Variants in DENND4B observed in about 807,000 individuals in gnomAD.
DENND4B encodes the protein DENN domain containing 4B, also known as DENN domain-containing protein 4B.
A neutral mutation model predicts 161.0 loss-of-function variants in DENND4B; 67 were observed. The ratio of observed to expected loss-of-function variants is 0.42; its 90% CI spans 0.34 to 0.51. DENND4B has a LOEUF of 0.51. DENND4B is among the 20% of genes least tolerant of loss of function. DENND4B has a pLI of 0.08. For missense variants in DENND4B, 1,481 were observed against 1,968.0 expected (o/e 0.75, Z 4.68); for synonymous variants, 753 against 813.8 (o/e 0.93, Z 1.27).
At chr1:153,939,475 G>T in intron 12 of DENND4B, 114 bp downstream of exon 12, 1 of 1,199,702 alleles carries the variant, frequency 8.3e-7, no homozygotes, top group Non-Finnish European at 1.2e-6. Flanking sequence ...CATTTGCCTA[G>T]TGAAGGAATA....
chr1:153,930,479 C>T lies in DENND4B; in HGVS notation c.4346-37G>A, dbSNP rs201317481. 1 of 1,613,978 alleles carries T rather than the reference C, an allele frequency of 6.2e-7. No homozygotes were observed. The highest frequency in any genetic ancestry group is 8.5e-7 in the Non-Finnish European group (1 of 1,179,862). ...GGTGGAAGTCAACATGTTAGGACCG[C>T]AGCCTCCCACACCTGGCCCCAGATC... is the stretch of plus-strand genomic sequence containing the variant. On this transcript the variant is annotated intron_variant, in intron 27 of 27. Coordinates refer to ENST00000361217, the MANE Select transcript of DENND4B (RefSeq NM_014856.3). The surrounding 1 kb of genome is among the most constrained non-coding windows in gnomAD (Gnocchi z 4.7).
intron 12 of DENND4B, 27 bp from the exon 13 acceptor site, chr1:153,939,072 G>T: frequency 6.2e-7 from 1 of 1,608,672 alleles, no homozygotes; most frequent in South Asian, 1.1e-5. Context: ...TGGGGCAGAG[G>T]AGGGGTGTGA....
chr1:153,934,995 TACCTCG>T lies in DENND4B; in HGVS notation c.2569-37_2569-32del. 7 of 1,603,792 alleles carry T rather than the reference TACCTCG, an allele frequency of 4.4e-6. No homozygotes were observed. The highest frequency in any genetic ancestry group is 5.9e-6 in the Non-Finnish European group (7 of 1,178,510). On this transcript the variant is annotated intron_variant, in intron 17 of 27. Coordinates refer to ENST00000361217, the MANE Select transcript of DENND4B (RefSeq NM_014856.3). This position sits in a 1 kb window ranked among gnomAD's most constrained non-coding sequence, Gnocchi z 5.3. The stretch of plus-strand genomic sequence containing the variant: ...AAGCACAGTGCCCATCAGGATGGCC[TACCTCG>T]ACACCCTAACCCTGCCTCATACCCA...
chr1:153,937,185 C>A lies in DENND4B; in HGVS notation c.2232+303G>T, dbSNP rs1294832169. On this transcript the variant is annotated intron_variant, in intron 15 of 27. Transcript: ENST00000361217. This position sits in a 1 kb window ranked among gnomAD's most constrained non-coding sequence, Gnocchi z 4.7. ...GGATGCTGTACTTCACAGGCTGCAG[C>A]CCTGCCTGGAGCCCCGTGCAGAGAG... Among the ~76,000 whole-genome samples the A allele has an allele frequency of 6.6e-6, 1 of 152,212 alleles. No individual in the cohort carries two copies. Among genetic ancestry groups the A allele is most frequent in the Non-Finnish European group, 1.5e-5 (1 of 68,044 alleles).
rs752556943 is a variant in DENND4B, at chr1:153,937,630, G to A, written c.2106-16C>T. ...TCCATCATAGCTGGAGGGGCAGAGA[G>A]AAGCAACATCGGGGCAGTCAGCACA... On this transcript the variant is annotated splice_polypyrimidine_tract_variant and intron_variant, in intron 14 of 27. Coordinates refer to ENST00000361217, the MANE Select transcript of DENND4B (RefSeq NM_014856.3). This position sits in a 1 kb window ranked among gnomAD's most constrained non-coding sequence, Gnocchi z 4.7. 5 of 1,611,632 alleles carry A rather than the reference G, an allele frequency of 3.1e-6. No homozygotes were observed. Among genetic ancestry groups the A allele is most frequent in the Non-Finnish European group, 4.2e-6 (5 of 1,178,334 alleles).
At position 153,942,842 on chromosome 1, in the gene DENND4B, C is replaced by G; in HGVS notation, c.570+36G>C. 1 of 1,566,632 alleles carries G rather than the reference C, an allele frequency of 6.4e-7. No homozygotes were observed. The highest frequency in any genetic ancestry group is 8.7e-7 in the Non-Finnish European group (1 of 1,152,190). ...CCAGTGTCCACACCCACTCTTACAC[C>G]AAGAGGACCAGGTGTCAGCTCTTGG... On this transcript the variant is annotated intron_variant, in intron 3 of 27. Coordinates refer to ENST00000361217, the MANE Select transcript of DENND4B (RefSeq NM_014856.3). This position sits in a 1 kb window ranked among gnomAD's most constrained non-coding sequence, Gnocchi z 6.9.
rs1679847338 is a variant in DENND4B at position 153,944,313 on chromosome 1, T to C, written c.62A>G (p.Asn21Ser). 9.3e-6 allele frequency: 15 copies of C among 1,608,272 alleles called. No homozygotes were observed. The highest frequency in any genetic ancestry group is 1.3e-5 in the Non-Finnish European group (15 of 1,177,316). Reference sequence around the variant, plus strand: ...CGTTTCCTCAGGGATGGGTGCTCCGTTCCCTGCAAGCCCAGCTACCACGAA... The same window carrying C: ...CGTTTCCTCAGGGATGGGTGCTCCGCTCCCTGCAAGCCCAGCTACCACGAA... ...DYFVVAGLAGNGAPIPEETWV... is the reference protein window; with the variant it reads ...DYFVVAGLAGSGAPIPEETWV... The change falls in exon 2 of 28, where the codon AAC becomes AGC. Residue 21 changes from asparagine (N) to serine (S), a missense_variant. By Grantham distance (46) the Asn-to-Ser change is conservative (BLOSUM62 1). Around this residue, in one of 3 missense-constraint regions of DENND4B, gnomAD observed 806 missense variants for 1,134.4 expected, o/e 0.71. Coordinates refer to ENST00000361217, the MANE Select transcript of DENND4B (RefSeq NM_014856.3). This position sits in a 1 kb window ranked among gnomAD's most constrained non-coding sequence, Gnocchi z 4.8.
At position 153,942,777 on chromosome 1, in the gene DENND4B, C is replaced by T. The variant is rs1047706393; in HGVS notation, c.570+101G>A. On this transcript the variant is annotated intron_variant, in intron 3 of 27. Transcript: ENST00000361217. The surrounding 1 kb of genome is among the most constrained non-coding windows in gnomAD (Gnocchi z 6.9). The stretch of plus-strand genomic sequence containing the variant: ...ACCAGAGTTACCCCTCTGGACTCAC[C>T]CCTGTGGTCAGAGCCTTGGTCCTGG... 20 of 1,493,730 alleles carry T rather than the reference C, an allele frequency of 1.3e-5. No homozygotes were observed. Among genetic ancestry groups the T allele is most frequent in the Non-Finnish European group, 1.7e-5 (19 of 1,119,296 alleles). The allele number at this position is 1,493,730 out of a possible 1,614,324, so 92.5% of individuals were successfully genotyped here.
rs1384235367 is a variant in DENND4B at position 153,940,649 on chromosome 1, G to A, written c.1327-43C>T. 6.3e-7 allele frequency: 1 copy of A among 1,593,486 alleles called. No homozygotes were observed. Among genetic ancestry groups the A allele is most frequent in the Admixed American group, 1.8e-5 (1 of 56,268 alleles). ...GAGAACCAGTGAACAGGGGGTTGAG[G>A]CAGCAGTGGGAGGCACAGGAGAGAG... is the stretch of plus-strand genomic sequence containing the variant. On this transcript the variant is annotated intron_variant, in intron 9 of 27. Coordinates refer to ENST00000361217, the MANE Select transcript of DENND4B (RefSeq NM_014856.3). The surrounding 1 kb of genome is among the most constrained non-coding windows in gnomAD (Gnocchi z 5.6).
Position 153,936,152 on chromosome 1 carries a change from A to G in DENND4B, c.2476T>C (p.Tyr826His), listed in dbSNP as rs921287306. The G allele has an allele frequency of 9.9e-6, 16 of 1,609,454 alleles. No individual in the cohort carries two copies. The highest frequency in any genetic ancestry group is 1.3e-5 in the Non-Finnish European group (15 of 1,178,036). Reference protein sequence around the residue: ...YRVLMQLCSHYGQPVLSVRVM... With the variant: ...YRVLMQLCSHHGQPVLSVRVM... ...CGCACAGACAGCACAGGCTGCCCAT[A>G]GTGTGAGCAGAGCTGCATCAGTACC... The change falls in exon 17 of 28, where the codon TAT becomes CAT. Residue 826 changes from tyrosine to histidine, a missense_variant. This residue lies in a region of DENND4B where 806 missense variants were observed against 1,134.4 expected (regional missense o/e 0.71). Coordinates refer to ENST00000361217, the MANE Select transcript of DENND4B (RefSeq NM_014856.3). This position sits in a 1 kb window ranked among gnomAD's most constrained non-coding sequence, Gnocchi z 4.1.
At chr1:153,943,204 C>G in intron 2 of DENND4B, 74 bp from the exon 3 acceptor site, 1 of 1,538,054 alleles carries the variant, frequency 6.5e-7, no homozygotes, top group Non-Finnish European at 8.8e-7. Flanking sequence ...CCAGATCTGC[C>G]TATCTAATCC....
At position 153,937,628 on chromosome 1, in the gene DENND4B, G is replaced by A; in HGVS notation, c.2106-14C>T. The A allele has an allele frequency of 3.1e-6, 5 of 1,611,772 alleles. No homozygotes were observed. Among genetic ancestry groups the A allele is most frequent in the Non-Finnish European group, 4.2e-6 (5 of 1,178,364 alleles). The stretch of plus-strand genomic sequence containing the variant: ...AATCCATCATAGCTGGAGGGGCAGA[G>A]AGAAGCAACATCGGGGCAGTCAGCA... On this transcript the variant is annotated splice_polypyrimidine_tract_variant and intron_variant, in intron 14 of 27. Coordinates refer to ENST00000361217, the MANE Select transcript of DENND4B (RefSeq NM_014856.3). This position sits in a 1 kb window ranked among gnomAD's most constrained non-coding sequence, Gnocchi z 4.7.
intron 2 of DENND4B, 86 bp downstream of exon 2, chr1:153,943,972 T>G: frequency 1.4e-6 from 2 of 1,407,226 alleles, no homozygotes; most frequent in Non-Finnish European, 9.4e-7. Flanking sequence ...CCATTGCCCT[T>G]CCCTTGTTCC....
chr1:153,935,066 A>C, intron 17 of DENND4B, 102 bp from the exon 18 acceptor site: 1 of 1,547,356 alleles, frequency 6.5e-7, no homozygotes, highest in African/African-American at 1.3e-5. Flanking sequence ...CTTCCCCTGC[A>C]GACATCCTGT....
rs778908434 is a variant in DENND4B, at chr1:153,933,587, T to A, written c.3226A>T (p.Ile1076Phe). Residue 1076 changes from isoleucine to phenylalanine, a missense_variant, in exon 20 of 28, where the codon ATT becomes TTT. By Grantham distance (21) the Ile-to-Phe change is conservative. Coordinates refer to ENST00000361217, the MANE Select transcript of DENND4B (RefSeq NM_014856.3). This position sits in a 1 kb window ranked among gnomAD's most constrained non-coding sequence, Gnocchi z 5.7. ...TCAGGAGGCAGCTCAGGTGGGGGAA[T>A]GCGGGAGGCAGGGGAGTGGCGGGAA... The part of the protein sequence containing the change: ...TPSRHSPASR[I>F]PPPELPPDLP... 1.3e-5 allele frequency: 20 copies of A among 1,567,630 alleles called. No individual in the cohort carries two copies. The South Asian group carries it at 2.2e-4, about 18-fold the overall frequency.
At position 153,931,020 on chromosome 1, in the gene DENND4B, T is replaced by C. The variant is rs1678886936; in HGVS notation, c.4041A>G (p.Val1347=). The C allele has an allele frequency of 6.2e-7, 1 of 1,612,778 alleles. No individual in the cohort carries two copies. Among genetic ancestry groups the C allele is most frequent in the Non-Finnish European group, 8.5e-7 (1 of 1,179,520 alleles). Residue 1347 remains valine, a synonymous_variant, in exon 25 of 28, where the codon GTA becomes GTG. Coordinates refer to ENST00000361217, the MANE Select transcript of DENND4B (RefSeq NM_014856.3). The part of the protein sequence containing the change: ...WLTPDPASVQ[V]RLLWDVLTPD... ...GGGTCAGTACATCCCACAGCAGCCG[T>C]ACCTGAACAGAGGCTGGATCAGGGG...
chr1:153,933,895 G>A lies in DENND4B; in HGVS notation c.2942-24C>T, dbSNP rs372236820. The A allele has an allele frequency of 3.1e-6, 5 of 1,596,794 alleles. No individual in the cohort carries two copies. The highest frequency in any genetic ancestry group is 1.1e-5 in the South Asian group (1 of 88,382). ...CACTGCAGCACAGAAAAGAATGAGG[G>A]AAGATGGACCCCAGCCTCTGCACCA... On this transcript the variant is annotated intron_variant, in intron 19 of 27. Coordinates refer to ENST00000361217, the MANE Select transcript of DENND4B (RefSeq NM_014856.3). This position sits in a 1 kb window ranked among gnomAD's most constrained non-coding sequence, Gnocchi z 5.7.
chr1:153,936,733 G>T lies in DENND4B; in HGVS notation c.2248C>A (p.Gln750Lys). The T allele has an allele frequency of 6.3e-7, 1 of 1,592,530 alleles. No homozygotes were observed. Among genetic ancestry groups the T allele is most frequent in the Non-Finnish European group, 8.6e-7 (1 of 1,166,394 alleles). ...GCTGCTGACTTCTGTGCCATCCGCTGTGCAACTTTCATCTCCTAGGTAGGA... is the reference window on the plus strand; with the variant it reads ...GCTGCTGACTTCTGTGCCATCCGCTTTGCAACTTTCATCTCCTAGGTAGGA... ...RRTKQEMKVA[Q>K]RMAQKSAAVP... The change falls in exon 16 of 28, where the codon CAG becomes AAG. Residue 750 changes from glutamine (Q) to lysine (K), a missense_variant. Gln to Lys is a moderately conservative substitution (Grantham distance 53). Coordinates refer to ENST00000361217, the MANE Select transcript of DENND4B (RefSeq NM_014856.3). The surrounding 1 kb of genome is among the most constrained non-coding windows in gnomAD (Gnocchi z 4.1).
In DENND4B at chr1:153,936,662, C is replaced by A; in HGVS notation, c.2319G>T (p.Gly773=). ...WARCLLGHCY[G]LWFLCLPAYV... ...AGGCAGGCAGACACAGGAACCACAG[C>A]CCATAGCAGTGCCCCAGCAGGCACC... The change falls in exon 16 of 28, where the codon GGG becomes GGT. Residue 773 remains glycine, a synonymous_variant. Coordinates refer to ENST00000361217, the MANE Select transcript of DENND4B (RefSeq NM_014856.3). This position sits in a 1 kb window ranked among gnomAD's most constrained non-coding sequence, Gnocchi z 4.1. 6.2e-7 allele frequency: 1 copy of A among 1,613,474 alleles called. No individual in the cohort carries two copies. The highest frequency in any genetic ancestry group is 1.1e-5 in the South Asian group (1 of 90,992).
Sources: allele counts gnomAD v4.1 joint callset (sites outside exome capture counted in the v4.1 genomes callset), GRCh38; gene constraint gnomAD v4.1.1; regional missense constraint gnomAD v4.1.1; non-coding constraint Gnocchi (gnomAD v3.1); transcripts MANE v1.5; gene names NCBI Gene and HGNC (gene_info 2026-07-23, HGNC 2026-07-21).